The following MRAP2 variants were observed in gnomAD, a reference collection of about 807,000 sequenced individuals.
MRAP2 encodes melanocortin 2 receptor accessory protein 2.
A neutral mutation model predicts 17.4 loss-of-function variants in MRAP2; 20 were observed. That is an observed-to-expected ratio of 1.15 (90% CI 0.81 to 1.67). The LOEUF is 1.67. Ranked by LOEUF, MRAP2 falls within the 40% of genes most tolerant of loss-of-function variation. MRAP2 has a pLI of 0.00. For missense variants in MRAP2, 238 were observed against 240.0 expected (o/e 0.99, Z 0.05); for synonymous variants, 96 against 88.4 (o/e 1.09, Z -0.48).
At chr6:84,106,052 C>A in the MRAP2 span, among the ~76,000 whole-genome samples, 1 of 152,134 alleles carries the variant, frequency 6.6e-6, no homozygotes, top group African/African-American at 2.4e-5. Flanking sequence ...TTCTTGAGAA[C>A]CTTGCCCCAG....
intron 1 of MRAP2, among the ~76,000 whole-genome samples, chr6:84,044,918 G>A (rs927023092): frequency 8.5e-5 from 13 of 152,182 alleles, no homozygotes; most frequent in African/African-American, 3.1e-4. Flanking sequence ...ACAAGAAAAG[G>A]ATAGTTGACT....
the MRAP2 span, among the ~76,000 whole-genome samples, chr6:84,141,724 G>C: frequency 6.6e-6 from 1 of 152,262 alleles, no homozygotes; most frequent in South Asian, 2.1e-4. Context: ...GAGATAAACA[G>C]AACACTGTCT....
intron 3 of MRAP2, among the ~76,000 whole-genome samples, chr6:84,084,420 T>G (rs920737210): frequency 6.6e-5 from 10 of 152,252 alleles, no homozygotes; most frequent in African/African-American, 2.4e-4. Flanking sequence ...TTTATGTAGT[T>G]ATTTGCTTTT....
the MRAP2 span, among the ~76,000 whole-genome samples, chr6:84,118,576 T>C: frequency 1.3e-5 from 2 of 152,002 alleles, no homozygotes; most frequent in East Asian, 1.9e-4. Flanking sequence ...TCAGACTGTT[T>C]GGACTTTCTA....
intron 3 of MRAP2, among the ~76,000 whole-genome samples, chr6:84,072,695 T>TC (rs1221409000): frequency 2.0e-5 from 3 of 152,056 alleles, no homozygotes; most frequent in Non-Finnish European, 2.9e-5. Context: ...GACCATCGGG[T>TC]TGGGGCAAGG....
the MRAP2 span, among the ~76,000 whole-genome samples, chr6:84,112,341 T>C: frequency 6.6e-6 from 1 of 152,162 alleles, no homozygotes; most frequent in South Asian, 2.1e-4. Flanking sequence ...GGAGACTGTA[T>C]GTGTACAGGA....
chr6:84,140,264 T>C, the MRAP2 span, among the ~76,000 whole-genome samples: 1 of 152,052 alleles, frequency 6.6e-6, no homozygotes, highest in Non-Finnish European at 1.5e-5. Context: ...CAAACTTTGT[T>C]GTTTGGTTGA....
chr6:84,139,893 C>T, the MRAP2 span, among the ~76,000 whole-genome samples: 5 of 127,430 alleles, frequency 3.9e-5, no homozygotes, highest in Non-Finnish European at 7.6e-5. Flanking sequence ...AGAACACAGA[C>T]ATAGGTCATA....
At chr6:84,070,855 T>G (rs1363180080) in intron 3 of MRAP2, among the ~76,000 whole-genome samples, 2 of 152,208 alleles carry the variant, frequency 1.3e-5, no homozygotes, top group East Asian at 3.8e-4. Context: ...TGCTTTAAAG[T>G]TTGTTTTGTC....
intron 3 of MRAP2, among the ~76,000 whole-genome samples, chr6:84,080,236 C>A (rs1562889417): frequency 6.6e-6 from 1 of 151,876 alleles, no homozygotes; most frequent in Non-Finnish European, 1.5e-5. Context: ...CGGGGTTTCA[C>A]CATTTTAGCC....
At chr6:84,069,099 C>T (rs891123622) in intron 3 of MRAP2, among the ~76,000 whole-genome samples, 3 of 151,920 alleles carry the variant, frequency 2.0e-5, no homozygotes, top group Non-Finnish European at 2.9e-5. Flanking sequence ...ATTTCTTTCT[C>T]TTGTCTGATT....
the MRAP2 span, among the ~76,000 whole-genome samples, chr6:84,138,432 C>T: frequency 1.2e-3 from 185 of 152,220 alleles, 6 homozygotes; most frequent in South Asian, 0.029. Flanking sequence ...TTTCCACCAC[C>T]CTGAGAGGAA....
Position 84,062,082 on chromosome 6 carries a change from G to T in MRAP2, c.128-811G>T, listed in dbSNP as rs73752620. On this transcript the variant is annotated intron_variant, in intron 2 of 3. Coordinates refer to ENST00000257776, the MANE Select transcript of MRAP2 (RefSeq NM_138409.4). ...TGGTGAACGTAAGTGAGAATGCAAAGTTGCTACCTAATTGAGATGCTAACC... is the reference window on the plus strand; with the variant it reads ...TGGTGAACGTAAGTGAGAATGCAAATTTGCTACCTAATTGAGATGCTAACC... 1.2e-3 allele frequency: 1,182 copies of T among 985,478 alleles called. 15 individuals are homozygous for T. The African/African-American group carries it at 0.019, about 16-fold the overall frequency. 61.0% of individuals were successfully genotyped at this position (985,478 alleles called of 1,614,324 possible).
the MRAP2 span, among the ~76,000 whole-genome samples, chr6:84,132,356 G>C: frequency 2.0e-5 from 3 of 152,134 alleles, no homozygotes; most frequent in African/African-American, 7.2e-5. Context: ...TCTTTGTGGT[G>C]TTCTCTGTAT....
At chr6:84,125,104 G>A in the MRAP2 span, 1,113 of 1,612,968 alleles carry the variant, frequency 6.9e-4, 14 homozygotes, top group South Asian at 9.1e-3. Flanking sequence ...ATCTGCAAAA[G>A]CAACTGGCAC....
At chr6:84,043,292 A>G (rs139292161) in intron 1 of MRAP2, among the ~76,000 whole-genome samples, 143 of 152,338 alleles carry the variant, frequency 9.4e-4, no homozygotes, top group Admixed American at 8.9e-3. Flanking sequence ...GGCCAAGTCT[A>G]GTCTTTGGGG....
At chr6:84,045,277 G>T (rs1319365381) in intron 1 of MRAP2, 2 of 985,248 alleles carry the variant, frequency 2.0e-6, no homozygotes, top group African/African-American at 3.5e-5. Context: ...CTTGAATAAG[G>T]TGTTGGTGGA....
the MRAP2 span, among the ~76,000 whole-genome samples, chr6:84,100,628 A>G: frequency 6.6e-6 from 1 of 152,174 alleles, no homozygotes. Context: ...CTCATTTCTT[A>G]AGATACAACT....
chr6:84,036,143 T>A (rs1195056918), intron 1 of MRAP2, among the ~76,000 whole-genome samples: 1 of 151,806 alleles, frequency 6.6e-6, no homozygotes, highest in African/African-American at 2.4e-5. Flanking sequence ...TTTTTTTAAA[T>A]TTTTCTCATT....
Sources: allele counts gnomAD v4.1 joint callset (sites outside exome capture counted in the v4.1 genomes callset), GRCh38; gene constraint gnomAD v4.1.1; transcripts MANE v1.5; gene names NCBI Gene and HGNC (gene_info 2026-07-23, HGNC 2026-07-21).